PRKACB: variants seen among roughly 807,000 people sequenced by gnomAD.
PRKACB encodes cAMP-dependent protein kinase catalytic subunit beta.
Under a neutral mutation model 51.4 loss-of-function variants are expected in PRKACB, and 16 were observed. That is an observed-to-expected ratio of 0.31 (90% CI 0.21 to 0.47). The LOEUF (loss-of-function observed/expected upper bound fraction) is 0.47. Among genes scored for constraint, PRKACB ranks in the 20% least tolerant of loss-of-function variants. The pLI is 1.00. For synonymous variants in PRKACB, 147 were observed against 154.4 expected (o/e 0.95, Z 0.35); for missense variants, 309 against 464.5 (o/e 0.67, Z 3.08).
chr1:84,097,322 A>G (rs1648999462), intron 1 of PRKACB, among the ~76,000 whole-genome samples: 1 of 147,780 alleles, frequency 6.8e-6, no homozygotes, highest in Non-Finnish European at 1.5e-5. Context: ...TAGTATCTAC[A>G]TTAGTAGATA....
intron 1 of PRKACB, among the ~76,000 whole-genome samples, chr1:84,114,662 C>T (rs2100858282): frequency 6.6e-6 from 1 of 152,250 alleles, no homozygotes; most frequent in Middle Eastern, 3.4e-3. Context: ...CACTTCTCTT[C>T]AGCCTCACCG....
chr1:84,186,635 C>T (rs1248013316), intron 5 of PRKACB, among the ~76,000 whole-genome samples: 1 of 152,074 alleles, frequency 6.6e-6, no homozygotes, highest in East Asian at 1.9e-4. Flanking sequence ...TCACATTTTT[C>T]CCTTTTGATC....
intron 1 of PRKACB, among the ~76,000 whole-genome samples, chr1:84,113,313 G>C (rs897649410): frequency 2.6e-5 from 4 of 152,098 alleles, no homozygotes; most frequent in Non-Finnish European, 5.9e-5. Context: ...CCACTGTTAA[G>C]TATCTTCTGA....
At chr1:84,093,734 G>T (rs1194482685) in intron 1 of PRKACB, among the ~76,000 whole-genome samples, 1 of 151,714 alleles carries the variant, frequency 6.6e-6, no homozygotes, top group Admixed American at 6.6e-5. Flanking sequence ...CATTTATTTA[G>T]ATCTACTTTA....
At chr1:84,097,356 G>T (rs1649004466) in intron 1 of PRKACB, among the ~76,000 whole-genome samples, 1 of 151,890 alleles carries the variant, frequency 6.6e-6, no homozygotes, top group Admixed American at 6.6e-5. Flanking sequence ...TTCGAAAGAG[G>T]TTATACCAAT....
At chr1:84,101,424 C>G (rs1649341626) in intron 1 of PRKACB, among the ~76,000 whole-genome samples, 1 of 152,216 alleles carries the variant, frequency 6.6e-6, no homozygotes, top group South Asian at 2.1e-4. Flanking sequence ...CGACTATACC[C>G]TAGCCAAGTT....
chr1:84,208,585 G>A (rs1671690252), intron 8 of PRKACB, among the ~76,000 whole-genome samples: 1 of 152,154 alleles, frequency 6.6e-6, no homozygotes, highest in African/African-American at 2.4e-5. Flanking sequence ...GACTTTTCTA[G>A]CACAGACTGT....
At chr1:84,202,532 G>A in intron 7 of PRKACB, 151 bp from the exon 8 acceptor site, 1 of 607,540 alleles carries the variant, frequency 1.6e-6, no homozygotes, top group Admixed American at 3.3e-5. Flanking sequence ...TGATACATTT[G>A]GTTCATTTTT....
intron 1 of PRKACB, chr1:84,165,118 A>G: frequency 1.0e-6 from 1 of 952,460 alleles, no homozygotes; most frequent in Non-Finnish European, 1.5e-6. Context: ...GCTACTGTGA[A>G]TTATATTTTG....
chr1:84,204,394 A>G, intron 8 of PRKACB: 1 of 1,015,904 alleles, frequency 9.8e-7, no homozygotes, highest in Non-Finnish European at 1.5e-6. Context: ...ACTTATTTAA[A>G]CAAGTATCAG....
chr1:84,164,087 A>G (rs1458248241), intron 1 of PRKACB, among the ~76,000 whole-genome samples: 1 of 152,058 alleles, frequency 6.6e-6, no homozygotes, highest in African/African-American at 2.4e-5. Flanking sequence ...CACTGTTTGT[A>G]ATGCTGAATT....
At chr1:84,083,129 T>A (rs1647680504) in intron 1 of PRKACB, among the ~76,000 whole-genome samples, 2 of 152,206 alleles carry the variant, frequency 1.3e-5, no homozygotes, top group Admixed American at 1.3e-4. Context: ...TTAAATGCAA[T>A]ATAGTGATTT....
intron 1 of PRKACB, among the ~76,000 whole-genome samples, chr1:84,107,000 CAAATG>C (rs1337041867): frequency 6.6e-6 from 1 of 152,016 alleles, no homozygotes; most frequent in East Asian, 1.9e-4. Flanking sequence ...AAAAGGAAAA[CAAATG>C]AACAAACAAA....
intron 1 of PRKACB, among the ~76,000 whole-genome samples, chr1:84,163,358 A>G (rs551722067): frequency 2.0e-5 from 3 of 152,098 alleles, no homozygotes; most frequent in African/African-American, 7.2e-5. Context: ...ACCCCATGCT[A>G]TGTTTCTTGC....
chr1:84,184,055 A>G lies in PRKACB; in HGVS notation c.397A>G (p.Ile133Val). 1.3e-6 allele frequency: 2 copies of G among 1,597,164 alleles called. No individual in the cohort carries two copies. Among genetic ancestry groups the G allele is most frequent in the Admixed American group, 1.7e-5 (1 of 58,510 alleles). ...ATTACAGGTTGTTAAACTGAAGCAAATAGAGCATACTTTGAATGAGAAAAG... is the reference window on the plus strand; with the variant it reads ...ATTACAGGTTGTTAAACTGAAGCAAGTAGAGCATACTTTGAATGAGAAAAG... ...DKQKVVKLKQ[I>V]EHTLNEKRIL... The change falls in exon 4 of 10, where the codon ATA (isoleucine) becomes GTA (valine). Residue 133 changes from isoleucine to valine, a missense_variant. Physicochemically the swap from Ile to Val is conservative, Grantham distance 29 (BLOSUM62 3). This residue lies in a region of PRKACB where 153 missense variants were observed against 190.2 expected (regional missense o/e 0.80). Transcript: ENST00000370685.
At chr1:84,086,306 C>A in intron 1 of PRKACB, 2 of 961,716 alleles carry the variant, frequency 2.1e-6, no homozygotes, top group East Asian at 2.4e-5. Context: ...TGCTGCCTCC[C>A]TCCTGTCTGG....
intron 1 of PRKACB, among the ~76,000 whole-genome samples, chr1:84,169,524 A>G (rs1658688168): frequency 6.6e-6 from 1 of 151,246 alleles, no homozygotes; most frequent in African/African-American, 2.4e-5. Flanking sequence ...ATCTCTCCAG[A>G]TAGACCCTAA....
At chr1:84,215,878 T>A (rs1300370057) in intron 9 of PRKACB, among the ~76,000 whole-genome samples, 1 of 152,144 alleles carries the variant, frequency 6.6e-6, no homozygotes, top group Non-Finnish European at 1.5e-5. Flanking sequence ...AATTTTTTTC[T>A]TCTTTTTTTT....
At chr1:84,121,901 G>A (rs759537426) in intron 1 of PRKACB, among the ~76,000 whole-genome samples, 1 of 152,024 alleles carries the variant, frequency 6.6e-6, no homozygotes, top group African/African-American at 2.4e-5. Context: ...GCTATTCCAA[G>A]TTGAGCCCCC....
Sources: gnomAD v4.1 joint callset for allele counts (sites outside exome capture counted in the v4.1 genomes callset) on GRCh38, gnomAD v4.1.1 for gene constraint, gnomAD v4.1.1 regional missense constraint, MANE v1.5 for transcripts, NCBI Gene and HGNC (gene_info 2026-07-23, HGNC 2026-07-21) for gene names.